ZPBP: variants seen among roughly 807,000 people sequenced by gnomAD.
The protein encoded by ZPBP is zona pellucida-binding protein 1.
In ZPBP, 26 loss-of-function variants were observed where a neutral mutation model predicts 44.8. The ratio of observed to expected loss-of-function variants is 0.58; its 90% CI spans 0.43 to 0.81. The LOEUF (loss-of-function observed/expected upper bound fraction) is 0.81. ZPBP is among the 30% of genes least tolerant of loss of function. The pLI, the probability that ZPBP is intolerant of heterozygous loss-of-function variation, is 0.00. For synonymous variants in ZPBP, 174 were observed against 153.2 expected (o/e 1.14, Z -1.00); for missense variants, 409 against 434.0 (o/e 0.94, Z 0.51).
intron 2 of ZPBP, among the ~76,000 whole-genome samples, chr7:49,871,908 AACAC>A (rs72332840): frequency 0.11 from 9,932 of 87,686 alleles, 719 homozygotes; most frequent in Admixed American, 0.18. Context: ...TGTGTATATA[AACAC>A]ACACACACAC....
intron 7 of ZPBP, among the ~76,000 whole-genome samples, chr7:49,980,121 A>T (rs1184508363): frequency 9.5e-6 from 1 of 105,268 alleles, no homozygotes; most frequent in East Asian, 2.5e-4. Context: ...ATAATTTTAT[A>T]TTATAATTAT....
chr7:50,031,694 AC>A (rs1473134043), intron 4 of ZPBP, among the ~76,000 whole-genome samples: 14 of 152,154 alleles, frequency 9.2e-5, no homozygotes, highest in Non-Finnish European at 1.8e-4. Context: ...CTCAGGTACA[AC>A]ACTTCTCTAA....
At chr7:49,894,344 CG>C (rs1341008627) in intron 2 of ZPBP, among the ~76,000 whole-genome samples, 2 of 152,120 alleles carry the variant, frequency 1.3e-5, no homozygotes, top group African/African-American at 4.8e-5. Flanking sequence ...TTTGTAGAGA[CG>C]GGGTTTTGAA....
chr7:49,950,827 A>G (rs1795309503), intron 7 of ZPBP, among the ~76,000 whole-genome samples: 2 of 151,844 alleles, frequency 1.3e-5, no homozygotes, highest in East Asian at 3.8e-4. Flanking sequence ...CAAAGCTTCC[A>G]GTTGCGATGC....
intron 3 of ZPBP, among the ~76,000 whole-genome samples, chr7:50,065,358 TTAGAG>T (rs1384773045): frequency 5.3e-5 from 8 of 150,764 alleles, no homozygotes; most frequent in Non-Finnish European, 1.5e-5. Flanking sequence ...CAAGAGTGGC[TTAGAG>T]TAGAGAATCA....
intron 1 of ZPBP, among the ~76,000 whole-genome samples, chr7:49,909,651 T>C (rs1457775755): frequency 6.6e-6 from 1 of 152,196 alleles, no homozygotes; most frequent in African/African-American, 2.4e-5. Context: ...ATGCAGATAC[T>C]GGCCCCCTGG....
In ZPBP at chr7:50,081,908, A is replaced by G. The variant is rs751366151; in HGVS notation, c.209-9T>C. ...CATGACATACGCTTTCACTGAAAAT[A>G]CAATATTTAAAATGTTCCAATAGTA... On this transcript the variant is annotated splice_polypyrimidine_tract_variant and intron_variant, in intron 2 of 7. Coordinates refer to ENST00000046087, the MANE Select transcript of ZPBP (RefSeq NM_007009.3). The G allele has an allele frequency of 1.9e-6, 3 of 1,609,858 alleles. No homozygotes were observed. The highest frequency in any genetic ancestry group is 2.5e-6 in the Non-Finnish European group (3 of 1,177,406).
chr7:50,028,705 T>C (rs1799450737), intron 5 of ZPBP, among the ~76,000 whole-genome samples: 1 of 150,354 alleles, frequency 6.7e-6, no homozygotes, highest in Admixed American at 6.6e-5. Context: ...CAATGACCAA[T>C]GTATAAAGGG....
At chr7:49,896,901 T>G (rs1792411195) in intron 2 of ZPBP, among the ~76,000 whole-genome samples, 2 of 146,734 alleles carry the variant, frequency 1.4e-5, no homozygotes, top group Non-Finnish European at 3.0e-5. Context: ...TTTTTTTTTT[T>G]TTTTTGAGAC....
chr7:50,078,455 A>G (rs1033510709), intron 3 of ZPBP, among the ~76,000 whole-genome samples: 1 of 151,660 alleles, frequency 6.6e-6, no homozygotes, highest in Admixed American at 6.6e-5. Flanking sequence ...CCCATTCTCC[A>G]TGATGTGCTT....
downstream of ZPBP, among the ~76,000 whole-genome samples, chr7:49,849,470 G>A (rs1289324856): frequency 6.6e-6 from 1 of 152,176 alleles, no homozygotes; most frequent in Non-Finnish European, 1.5e-5. Flanking sequence ...GCGGGTCTCT[G>A]GATGGGGTTT....
Position 50,091,518 on chromosome 7 carries a change from C to T in ZPBP, c.127+1550G>A, listed in dbSNP as rs890340762. On this transcript the variant is annotated intron_variant, in intron 1 of 7. Coordinates refer to ENST00000046087, the MANE Select transcript of ZPBP (RefSeq NM_007009.3). ...TGAATTAAGGACTTAAATCTAGGAC[C>T]TGAAACTATAAAAATTCTAGAAGAT... Among the ~76,000 whole-genome samples the T allele has an allele frequency of 1.7e-4, 26 of 152,088 alleles. 1 individual carries two copies.
intron 4 of ZPBP, among the ~76,000 whole-genome samples, chr7:50,043,113 GC>G (rs764374322): frequency 2.8e-4 from 43 of 152,320 alleles, no homozygotes; most frequent in Non-Finnish European, 5.1e-4. Context: ...AGTGATCTGT[GC>G]CTTAAGGACT....
At chr7:49,852,105 G>C (rs751478511) in intron 2 of ZPBP, among the ~76,000 whole-genome samples, 2 of 152,234 alleles carry the variant, frequency 1.3e-5, no homozygotes, top group Non-Finnish European at 2.9e-5. Flanking sequence ...GCAGGCACCA[G>C]TACCACCTGT....
At chr7:50,057,391 TG>T (rs1801005095) in intron 4 of ZPBP, among the ~76,000 whole-genome samples, 3 of 152,248 alleles carry the variant, frequency 2.0e-5, no homozygotes, top group African/African-American at 7.2e-5. Context: ...TCTCCCACCC[TG>T]AATCCTCAAA....
At chr7:49,911,946 C>CAT (rs1294749066) in intron 1 of ZPBP, 18 of 744,110 alleles carry the variant, frequency 2.4e-5, no homozygotes, top group African/African-American at 1.1e-4. Flanking sequence ...CACACACACA[C>CAT]ATATATATAC....
chr7:50,009,459 C>A (rs1325278623), intron 6 of ZPBP, among the ~76,000 whole-genome samples: 1 of 151,910 alleles, frequency 6.6e-6, no homozygotes, highest in Non-Finnish European at 1.5e-5. Context: ...CCCACTTACC[C>A]CAGCAGGCTC....
At chr7:49,892,033 T>TG (rs1335374686) in intron 2 of ZPBP, among the ~76,000 whole-genome samples, 901 of 9,322 alleles carry the variant, frequency 0.097, 33 homozygotes, top group African/African-American at 0.19. Context: ...CAAAGTAGAT[T>TG]TTTTTTTTTT....
At chr7:49,868,747 A>G (rs1791014326) in intron 2 of ZPBP, among the ~76,000 whole-genome samples, 1 of 152,242 alleles carries the variant, frequency 6.6e-6, no homozygotes, top group Middle Eastern at 3.4e-3. Context: ...CCTCCCAAGT[A>G]GATGGGATTA....
Sources: allele counts gnomAD v4.1 joint callset (sites outside exome capture counted in the v4.1 genomes callset), GRCh38; gene constraint gnomAD v4.1.1; transcripts MANE v1.5; gene names NCBI Gene and HGNC (gene_info 2026-07-23, HGNC 2026-07-21).